FKTN: variants seen among roughly 807,000 people sequenced by gnomAD.
The protein encoded by FKTN is fukutin, also known as ribitol-5-phosphate transferase FKTN.
In FKTN, 47 loss-of-function variants were observed where a neutral mutation model predicts 58.6. The ratio of observed to expected loss-of-function variants is 0.80; its 90% CI spans 0.63 to 1.02. The LOEUF (loss-of-function observed/expected upper bound fraction) is 1.02, where lower values mean the gene tolerates loss of function less well. Among genes scored for constraint, FKTN ranks in the 50% least tolerant of loss-of-function variants. The pLI is 0.00. For synonymous variants in FKTN, 178 were observed against 191.9 expected (o/e 0.93, Z 0.60); for missense variants, 516 against 537.3 (o/e 0.96, Z 0.39).
intron 6 of FKTN, 136 bp from the exon 7 acceptor site, chr9:105,607,683 T>G (rs1394748684): frequency 1.4e-6 from 1 of 711,062 alleles, no homozygotes; most frequent in African/African-American, 1.7e-5. Flanking sequence ...TAGGTATACA[T>G]GTGCCATGGT....
chr9:105,601,020 T>C (rs2132701193), intron 4 of FKTN, 125 bp from the exon 5 acceptor site: 1 of 644,590 alleles, frequency 1.6e-6, no homozygotes, highest in East Asian at 2.7e-5. Flanking sequence ...TTTAGCACAA[T>C]GATAAGCATG....
intron 10 of FKTN, among the ~76,000 whole-genome samples, chr9:105,621,104 C>T (rs1182527950): frequency 6.6e-6 from 1 of 152,112 alleles, no homozygotes; most frequent in African/African-American, 2.4e-5. Flanking sequence ...GAAAAAGCTT[C>T]TTTCATTCTG....
chr9:105,638,214 T>A lies in FKTN; in HGVS notation c.*2950T>A. 1 of 985,434 alleles carries A rather than the reference T, an allele frequency of 1.0e-6. No individual in the cohort carries two copies. Among genetic ancestry groups the A allele is most frequent in the Non-Finnish European group, 1.2e-6 (1 of 829,940 alleles). The allele number at this position is 985,434 out of a possible 1,614,324, so 61.0% of individuals were successfully genotyped here. ...GTTTCGCATCACAACACAGTATCTT[T>A]AACAGTGCTTGAGATGCTTAACAGA... On this transcript the variant is annotated 3_prime_UTR_variant, in exon 11 of 11. Transcript: ENST00000357998.
chr9:105,561,275 T>TA (rs922230642), intron 1 of FKTN, among the ~76,000 whole-genome samples: 9 of 151,968 alleles, frequency 5.9e-5, no homozygotes, highest in African/African-American at 2.2e-4. Context: ...CTCCATTTCT[T>TA]AAAAAAATAA....
chr9:105,599,403 A>G (rs1356992076), intron 4 of FKTN, among the ~76,000 whole-genome samples: 5 of 150,786 alleles, frequency 3.3e-5, no homozygotes, highest in East Asian at 3.9e-4. Flanking sequence ...TATTTTATTA[A>G]GTATTTTTGC....
chr9:105,637,463 C>T lies in FKTN; in HGVS notation c.*2199C>T, dbSNP rs1483734924. On this transcript the variant is annotated 3_prime_UTR_variant, in exon 11 of 11. Coordinates refer to ENST00000357998, the MANE Select transcript of FKTN (RefSeq NM_001079802.2). ...TGGGTTCCACCCTAACTTGGGGAAA[C>T]AAAAGCCTTCTCTAGAATCTGAAGG... 2 of 985,318 alleles carry T rather than the reference C, an allele frequency of 2.0e-6. No homozygotes were observed. The highest frequency in any genetic ancestry group is 3.5e-5 in the African/African-American group (2 of 57,234). 61.0% of individuals were successfully genotyped at this position (985,318 alleles called of 1,614,324 possible). A position where few individuals can be genotyped will look rare whatever the true frequency, so the allele number is the denominator to read the frequency against.
intron 1 of FKTN, among the ~76,000 whole-genome samples, chr9:105,567,707 C>T (rs1839930063): frequency 6.6e-6 from 1 of 152,158 alleles, no homozygotes; most frequent in Non-Finnish European, 1.5e-5. Flanking sequence ...TTGAAAATGG[C>T]CATACTGCCC....
intron 3 of FKTN, among the ~76,000 whole-genome samples, chr9:105,575,830 G>T (rs961557208): frequency 6.6e-6 from 1 of 151,980 alleles, no homozygotes; most frequent in African/African-American, 2.4e-5. Context: ...ATCACTTTGC[G>T]CCCCTCCTCA....
At chr9:105,574,182 T>C (rs1169710196) in intron 2 of FKTN, 1 of 152,130 alleles carries the variant, frequency 6.6e-6, no homozygotes, top group African/African-American at 2.4e-5. Flanking sequence ...TTTGTTGGTT[T>C]CTTCTTATTT....
rs1027786364 is a variant in FKTN, at chr9:105,636,847, A to G, written c.*1583A>G. ...AACAAATTAGAGAAAGTAACTTACA[A>G]CCACCCATTCCGGATTTGTAAAGCA... On this transcript the variant is annotated 3_prime_UTR_variant, in exon 11 of 11. Coordinates refer to ENST00000357998, the MANE Select transcript of FKTN (RefSeq NM_001079802.2). 13 of 1,195,600 alleles carry G rather than the reference A, an allele frequency of 1.1e-5. No homozygotes were observed. The Admixed American group carries it at 1.1e-4, about 10-fold the overall frequency. 74.1% of individuals were successfully genotyped at this position (1,195,600 alleles called of 1,614,324 possible). A position where few individuals can be genotyped will look rare whatever the true frequency, so the allele number is the denominator to read the frequency against.
intron 3 of FKTN, among the ~76,000 whole-genome samples, chr9:105,579,313 AT>A (rs1842399673): frequency 6.6e-6 from 1 of 151,678 alleles, no homozygotes; most frequent in African/African-American, 2.4e-5. Context: ...AGTGCTATAA[AT>A]TTCCCTCTAC....
intron 10 of FKTN, among the ~76,000 whole-genome samples, chr9:105,625,125 A>G (rs1022417165): frequency 5.3e-5 from 8 of 152,236 alleles, no homozygotes; most frequent in Non-Finnish European, 1.2e-4. Context: ...TAGAAAAAAA[A>G]TCACATGGTA....
chr9:105,564,625 C>A (rs1264130221), intron 1 of FKTN, among the ~76,000 whole-genome samples: 1 of 152,158 alleles, frequency 6.6e-6, no homozygotes, highest in Non-Finnish European at 1.5e-5. Flanking sequence ...ATGAACAAAG[C>A]CTCCAAGAAA....
intron 9 of FKTN, among the ~76,000 whole-genome samples, chr9:105,619,082 T>A (rs947106270): frequency 6.6e-5 from 10 of 151,008 alleles, no homozygotes; most frequent in African/African-American, 1.9e-4. Flanking sequence ...AAAAGTTTAG[T>A]CACCAGAAAA....
At chr9:105,613,771 A>G (rs1830341215) in intron 7 of FKTN, among the ~76,000 whole-genome samples, 1 of 152,246 alleles carries the variant, frequency 6.6e-6, no homozygotes, top group African/African-American at 2.4e-5. Flanking sequence ...TGTTAAGGAA[A>G]AAGATAATTC....
intron 10 of FKTN, among the ~76,000 whole-genome samples, chr9:105,624,763 G>A (rs1362610622): frequency 6.6e-6 from 1 of 151,824 alleles, no homozygotes; most frequent in Non-Finnish European, 1.5e-5. Flanking sequence ...ATATTACAGT[G>A]CATTTTGAAT....
At chr9:105,605,386 G>C (rs1828710676) in intron 6 of FKTN, among the ~76,000 whole-genome samples, 1 of 151,996 alleles carries the variant, frequency 6.6e-6, no homozygotes, top group Non-Finnish European at 1.5e-5. Context: ...GAAACATTTA[G>C]ATAAATTATG....
In FKTN at chr9:105,638,926, T is replaced by C. The variant is rs982190548; in HGVS notation, c.*3662T>C. ...ACATAGGTAAGCAGGAATTTATACATTGGGTACCAGAGCTAAATCTGGAAA... is the reference window on the plus strand; with the variant it reads ...ACATAGGTAAGCAGGAATTTATACACTGGGTACCAGAGCTAAATCTGGAAA... On this transcript the variant is annotated 3_prime_UTR_variant, in exon 11 of 11. Coordinates refer to ENST00000357998, the MANE Select transcript of FKTN (RefSeq NM_001079802.2). 2.0e-6 allele frequency: 2 copies of C among 985,312 alleles called. No individual in the cohort carries two copies. Among genetic ancestry groups the C allele is most frequent in the Middle Eastern group, 1.0e-3 (2 of 1,914 alleles). The allele number at this position is 985,312 out of a possible 1,614,324, so 61.0% of individuals were successfully genotyped here.
intron 10 of FKTN, among the ~76,000 whole-genome samples, chr9:105,634,578 T>C (rs983306143): frequency 3.9e-5 from 6 of 152,234 alleles, no homozygotes; most frequent in African/African-American, 1.4e-4. Flanking sequence ...GGTAGGATCA[T>C]GTAAGCTATG....
Sources: allele counts gnomAD v4.1 joint callset (sites outside exome capture counted in the v4.1 genomes callset), GRCh38; gene constraint gnomAD v4.1.1; transcripts MANE v1.5; gene names NCBI Gene and HGNC (gene_info 2026-07-23, HGNC 2026-07-21).